ATXN1: variants seen among roughly 807,000 people sequenced by gnomAD.
The protein encoded by ATXN1 is ataxin 1, also known as ataxin-1.
In ATXN1, 8 loss-of-function variants were observed where a neutral mutation model predicts 56.4. That is an observed-to-expected ratio of 0.14 (90% CI 0.08 to 0.26). ATXN1 has a LOEUF of 0.26. Ranked by LOEUF, ATXN1 falls within the 10% of genes least tolerant of loss-of-function variation. The pLI, the probability that ATXN1 is intolerant of heterozygous loss-of-function variation, is 1.00. For synonymous variants in ATXN1, 514 were observed against 494.6 expected, an observed-to-expected ratio of 1.04 and a Z score of -0.52; for missense variants, 987 against 1,106.5, an observed-to-expected ratio of 0.89 and a Z score of 1.53.
chr6:16,539,164 T>A (rs1561745928), intron 4 of ATXN1, among the ~76,000 whole-genome samples: 1 of 152,240 alleles, frequency 6.6e-6, no homozygotes, highest in Non-Finnish European at 1.5e-5. Flanking sequence ...ACAGGGCTAA[T>A]GTGTTGATCC....
intron 2 of ATXN1, among the ~76,000 whole-genome samples, chr6:16,673,480 A>T (rs1758589645): frequency 6.6e-6 from 1 of 152,084 alleles, no homozygotes; most frequent in African/African-American, 2.4e-5. Context: ...ACCTTTGTCA[A>T]GGCAGGCTGA....
chr6:16,737,623 C>T (rs1760181991), intron 2 of ATXN1: 1 of 152,164 alleles, frequency 6.6e-6, no homozygotes, highest in Admixed American at 6.5e-5. Flanking sequence ...TGCCAGCAGC[C>T]TTAAGCACAG....
chr6:16,663,887 G>C (rs1243075506), intron 2 of ATXN1, among the ~76,000 whole-genome samples: 1 of 152,008 alleles, frequency 6.6e-6, no homozygotes. Context: ...CTGACTCTTA[G>C]GATTGTACCC....
intron 5 of ATXN1, among the ~76,000 whole-genome samples, chr6:16,508,348 G>C (rs1393664194): frequency 2.0e-5 from 3 of 152,156 alleles, no homozygotes; most frequent in Non-Finnish European, 4.4e-5. Context: ...TATTTAAAAT[G>C]TCTTTGAGAT....
At chr6:16,559,952 G>A (rs1254349660) in intron 4 of ATXN1, among the ~76,000 whole-genome samples, 3 of 152,050 alleles carry the variant, frequency 2.0e-5, no homozygotes, top group African/African-American at 7.2e-5. Flanking sequence ...TAAGCTTCCT[G>A]TACACATGTC....
chr6:16,473,869 C>A (rs2113642139), intron 6 of ATXN1, among the ~76,000 whole-genome samples: 1 of 152,334 alleles, frequency 6.6e-6, no homozygotes, highest in South Asian at 2.1e-4. Flanking sequence ...TTCTCCTATG[C>A]TATCCCTGGG....
chr6:16,344,408 G>A (rs1761331651), intron 6 of ATXN1, among the ~76,000 whole-genome samples: 1 of 152,196 alleles, frequency 6.6e-6, no homozygotes, highest in Non-Finnish European at 1.5e-5. Flanking sequence ...TCATGGGCTT[G>A]GAGAGGAAGA....
intron 3 of ATXN1, among the ~76,000 whole-genome samples, chr6:16,598,446 G>C (rs1392607154): frequency 6.6e-6 from 1 of 152,166 alleles, no homozygotes; most frequent in African/African-American, 2.4e-5. Context: ...GCCGAGTATT[G>C]ATCCTAACTT....
chr6:16,445,583 T>C (rs1372492838), intron 6 of ATXN1, among the ~76,000 whole-genome samples: 2 of 151,940 alleles, frequency 1.3e-5, no homozygotes, highest in Non-Finnish European at 2.9e-5. Flanking sequence ...GCAGGTTAGT[T>C]ACATATGTAT....
At chr6:16,438,034 G>A (rs755260411) in intron 6 of ATXN1, among the ~76,000 whole-genome samples, 8 of 152,216 alleles carry the variant, frequency 5.3e-5, no homozygotes, top group Non-Finnish European at 1.2e-4. Context: ...CTAGGGGTAG[G>A]GGGATCAGGC....
chr6:16,503,819 A>G (rs1454793986), intron 5 of ATXN1, among the ~76,000 whole-genome samples: 1 of 152,128 alleles, frequency 6.6e-6, no homozygotes, highest in Admixed American at 6.5e-5. Flanking sequence ...ATATACTTCT[A>G]AAAATTGTGG....
chr6:16,594,691 C>T (rs1026608139), intron 3 of ATXN1, among the ~76,000 whole-genome samples: 2 of 152,066 alleles, frequency 1.3e-5, no homozygotes, highest in Non-Finnish European at 2.9e-5. Context: ...CTATGTTGGC[C>T]AGGACGGTCT....
At chr6:16,740,059 T>C (rs1561832112) in intron 2 of ATXN1, 2 of 302,894 alleles carry the variant, frequency 6.6e-6, no homozygotes, top group South Asian at 2.6e-5. Flanking sequence ...TTTGTCTTGT[T>C]TGCAGTTTCA....
intron 6 of ATXN1, among the ~76,000 whole-genome samples, chr6:16,355,113 T>G (rs983504878): frequency 1.3e-5 from 2 of 152,186 alleles, no homozygotes; most frequent in African/African-American, 4.8e-5. Context: ...TCTGGGGCAG[T>G]TGAACTGCCT....
chr6:16,435,886 G>A (rs1759377735), intron 6 of ATXN1, among the ~76,000 whole-genome samples: 1 of 151,970 alleles, frequency 6.6e-6, no homozygotes, highest in Non-Finnish European at 1.5e-5. Context: ...AGGTTGCTGT[G>A]AGGTTCTTTT....
chr6:16,587,407 G>A (rs1762644713), intron 3 of ATXN1, among the ~76,000 whole-genome samples: 1 of 152,182 alleles, frequency 6.6e-6, no homozygotes, highest in Admixed American at 6.5e-5. Context: ...TCTTAAACAT[G>A]TTTACCTGTT....
At chr6:16,559,855 A>C (rs13198559) in intron 4 of ATXN1, among the ~76,000 whole-genome samples, 45,991 of 148,596 alleles carry the variant, frequency 0.31, 8,087 homozygotes, top group East Asian at 0.72. Flanking sequence ...TAGTATGTTT[A>C]ATAAAAAAAA....
At chr6:16,529,566 C>A (rs1361716224) in intron 4 of ATXN1, among the ~76,000 whole-genome samples, 1 of 152,176 alleles carries the variant, frequency 6.6e-6, no homozygotes, top group African/African-American at 2.4e-5. Flanking sequence ...AAAGAATGTG[C>A]AGGAATAATA....
chr6:16,458,165 G>C (rs1759917975), intron 6 of ATXN1, among the ~76,000 whole-genome samples: 1 of 152,210 alleles, frequency 6.6e-6, no homozygotes, highest in African/African-American at 2.4e-5. Context: ...GACAGCCGAA[G>C]AAAGGGACAA....
Sources: allele counts gnomAD v4.1 joint callset (sites outside exome capture counted in the v4.1 genomes callset), GRCh38; gene constraint gnomAD v4.1.1; transcripts MANE v1.5; gene names NCBI Gene and HGNC (gene_info 2026-07-23, HGNC 2026-07-21).